SUN1: variants seen among roughly 807,000 people sequenced by gnomAD.
The protein encoded by SUN1 is SUN domain-containing protein 1.
A neutral mutation model predicts 103.2 loss-of-function variants in SUN1; 61 were observed. The ratio of observed to expected loss-of-function variants is 0.59; its 90% CI spans 0.48 to 0.73. The LOEUF (loss-of-function observed/expected upper bound fraction) is 0.73. SUN1 is among the 30% of genes least tolerant of loss of function. The pLI is 0.00. For synonymous variants in SUN1, 490 were observed against 425.7 expected, an observed-to-expected ratio of 1.15 and a Z score of -1.86; for missense variants, 1,052 against 1,034.6, an observed-to-expected ratio of 1.02 and a Z score of -0.23.
chr7:852,742 G>T, intron 8 of SUN1, 68 bp from the exon 9 acceptor site: 1 of 1,613,390 alleles, frequency 6.2e-7, no homozygotes, highest in South Asian at 1.1e-5. Flanking sequence ...GGAAAAAAAT[G>T]AGCGTGTAAG....
intron 1 of SUN1, 25 bp downstream of exon 1, chr7:832,626 T>C: frequency 1.3e-6 from 2 of 1,596,768 alleles, no homozygotes; most frequent in Non-Finnish European, 1.7e-6. Context: ...GCACGTGGGG[T>C]CCTGGCCTTG....
intron 8 of SUN1, 43 bp from the exon 9 acceptor site, chr7:852,767 A>G (rs1363344906): frequency 6.2e-7 from 1 of 1,612,306 alleles, no homozygotes; most frequent in Admixed American, 1.7e-5. Flanking sequence ...TGTTTTGAGA[A>G]GCGTGGTGTA....
At chr7:859,165 A>G (rs1025534678) in intron 13 of SUN1, among the ~76,000 whole-genome samples, 3 of 151,820 alleles carry the variant, frequency 2.0e-5, no homozygotes, top group African/African-American at 4.8e-5. Flanking sequence ...AAAAAAAAAA[A>G]AAAGAAAAAG....
chr7:827,978 C>T (rs1241635466), upstream of SUN1, among the ~76,000 whole-genome samples: 1 of 151,422 alleles, frequency 6.6e-6, no homozygotes, highest in African/African-American at 2.4e-5. Flanking sequence ...AATATGGGCT[C>T]ACCGCAACCT....
chr7:838,949 A>G lies in SUN1; in HGVS notation c.229A>G (p.Thr77Ala). The change falls in exon 2 of 19, where the codon ACC (threonine) becomes GCC (alanine). Residue 77 changes from threonine (T) to alanine (A), a missense_variant. Thr to Ala is a moderately conservative substitution (Grantham distance 58). Coordinates refer to ENST00000401592, the MANE Select transcript of SUN1 (RefSeq NM_001130965.3). ...DGEAVGADSGTSSAVSLKNRA... is the reference protein window; with the variant it reads ...DGEAVGADSGASSAVSLKNRA... ...TGAGGCTGTGGGTGCCGACAGCGGCACCAGCAGCGCTGTCTCCCTGAAGAA... is the reference window on the plus strand; with the variant it reads ...TGAGGCTGTGGGTGCCGACAGCGGCGCCAGCAGCGCTGTCTCCCTGAAGAA... 1 of 1,607,640 alleles carries G rather than the reference A, an allele frequency of 6.2e-7. No individual in the cohort carries two copies. The highest frequency in any genetic ancestry group is 1.1e-5 in the South Asian group (1 of 89,270).
chr7:855,048 A>T, intron 11 of SUN1, 42 bp downstream of exon 11: 2 of 1,441,650 alleles, frequency 1.4e-6, no homozygotes, highest in Non-Finnish European at 1.9e-6. Flanking sequence ...ATAAAAAGAA[A>T]ATCAACTATG....
intron 15 of SUN1, among the ~76,000 whole-genome samples, chr7:862,281 C>T (rs1456623826): frequency 6.6e-6 from 1 of 152,190 alleles, no homozygotes; most frequent in East Asian, 1.9e-4. Context: ...GGAGAGCCTG[C>T]AGGGCAGGAG....
At chr7:852,730 G>C (rs1823429321) in intron 8 of SUN1, 63 bp downstream of exon 8, 2 of 1,613,440 alleles carry the variant, frequency 1.2e-6, no homozygotes, top group Middle Eastern at 1.7e-4. Context: ...GTGTAACTTA[G>C]TGGAAAAAAA....
chr7:868,272 G>A (rs4721962), intron 16 of SUN1, among the ~76,000 whole-genome samples: 17,696 of 152,302 alleles, frequency 0.12, 1,190 homozygotes, highest in South Asian at 0.23. Context: ...GTCAGTCCCT[G>A]TGTGTGCCTG....
intron 1 of SUN1, among the ~76,000 whole-genome samples, chr7:825,062 A>AT (rs746564288): frequency 1.9e-3 from 272 of 144,088 alleles, no homozygotes; most frequent in African/African-American, 2.7e-3. Flanking sequence ...TATTACGATA[A>AT]TTTTTTTTTT....
chr7:861,491 A>G (rs1562783548), intron 15 of SUN1, 27 bp downstream of exon 15: 1 of 1,609,706 alleles, frequency 6.2e-7, no homozygotes, highest in Admixed American at 1.7e-5. Context: ...TCTGATTACT[A>G]AGTTAGATGA....
At chr7:829,024 G>C (rs1200846254), upstream of SUN1, among the ~76,000 whole-genome samples, 1 of 152,236 alleles carries the variant, frequency 6.6e-6, no homozygotes, top group Non-Finnish European at 1.5e-5. Flanking sequence ...GCCATGCCAG[G>C]CATGACACTC....
intron 1 of SUN1, among the ~76,000 whole-genome samples, chr7:823,417 G>T (rs767257885): frequency 3.3e-5 from 5 of 152,122 alleles, no homozygotes; most frequent in Non-Finnish European, 5.9e-5. Context: ...AGAGTTTGGG[G>T]TGTAACTAGA....
chr7:834,982 A>G (rs1034097736), intron 1 of SUN1, among the ~76,000 whole-genome samples: 2 of 152,236 alleles, frequency 1.3e-5, no homozygotes, highest in African/African-American at 2.4e-5. Context: ...AGGCTGAGGC[A>G]GGAGAATCGC....
chr7:830,882 C>T (rs888907685), upstream of SUN1: 1 of 916,342 alleles, frequency 1.1e-6, no homozygotes, highest in Non-Finnish European at 1.3e-6. Context: ...CAGGCAGAGC[C>T]CATTGTTGCA....
chr7:826,188 CT>C (rs1459459110), intron 1 of SUN1, among the ~76,000 whole-genome samples: 2 of 150,680 alleles, frequency 1.3e-5, no homozygotes, highest in African/African-American at 2.4e-5. Context: ...GATCACGCCC[CT>C]GGCACTCTAG....
At chr7:824,795 T>G (rs1462144376) in intron 1 of SUN1, among the ~76,000 whole-genome samples, 1 of 152,172 alleles carries the variant, frequency 6.6e-6, no homozygotes, top group African/African-American at 2.4e-5. Context: ...GGCTAGGAAC[T>G]ATCTGTCGAT....
intron 5 of SUN1, chr7:849,506 T>A: frequency 7.3e-7 from 1 of 1,362,300 alleles, no homozygotes; most frequent in Non-Finnish European, 9.8e-7. Context: ...AAGCCTCTTT[T>A]GCGTGTGTTG....
intron 7 of SUN1, 98 bp from the exon 8 acceptor site, chr7:852,511 G>C (rs926136795): frequency 6.6e-6 from 9 of 1,372,324 alleles, no homozygotes; most frequent in Middle Eastern, 1.8e-4. Flanking sequence ...AATACTGGGG[G>C]GGTGGATTTT....
Sources: allele counts gnomAD v4.1 joint callset (sites outside exome capture counted in the v4.1 genomes callset), GRCh38; gene constraint gnomAD v4.1.1; transcripts MANE v1.5; gene names NCBI Gene and HGNC (gene_info 2026-07-23, HGNC 2026-07-21).